KIRREL3: variants seen among roughly 807,000 people sequenced by gnomAD.
KIRREL3 encodes kirre like nephrin family adhesion molecule 3, also known as kin of IRRE-like protein 3.
Under a neutral mutation model 89.7 loss-of-function variants are expected in KIRREL3, and 36 were observed. The ratio of observed to expected loss-of-function variants is 0.40; its 90% CI spans 0.31 to 0.53. KIRREL3 has a LOEUF of 0.53. Among genes scored for constraint, KIRREL3 ranks in the 20% least tolerant of loss-of-function variants. The pLI is 0.49. For synonymous variants in KIRREL3, 445 were observed against 441.4 expected (o/e 1.01, Z -0.10); for missense variants, 864 against 1,056.6 (o/e 0.82, Z 2.53).
rs1327156233 is a variant in KIRREL3 at position 126,879,211 on chromosome 11, GC to G, written c.55+121243del. Reference sequence around the variant, plus strand: ...TGTACAGGGAACCTATAACCAGGATGCAGATGCTATATGCAGCTGTTATGCA... The same window carrying G: ...TGTACAGGGAACCTATAACCAGGATGAGATGCTATATGCAGCTGTTATGCA... On this transcript the variant is annotated intron_variant, in intron 1 of 16. Coordinates refer to ENST00000525144, the MANE Select transcript of KIRREL3 (RefSeq NM_032531.4). The surrounding 1 kb of genome is among the most constrained non-coding windows in gnomAD (Gnocchi z 5.4). 3.3e-5 allele frequency among the ~76,000 whole-genome samples: 5 copies of G among 152,212 alleles called. No individual in the cohort carries two copies. Among genetic ancestry groups the G allele is most frequent in the African/African-American group, 1.2e-4 (5 of 41,452 alleles).
intron 1 of KIRREL3, among the ~76,000 whole-genome samples, chr11:126,691,592 T>C (rs1219107953): frequency 6.6e-6 from 1 of 152,224 alleles, no homozygotes; most frequent in Non-Finnish European, 1.5e-5. Flanking sequence ...CTGAAAATTC[T>C]TCTTTTTTTA....
intron 1 of KIRREL3, among the ~76,000 whole-genome samples, chr11:126,582,583 C>T (rs1254580645): frequency 2.6e-5 from 4 of 152,072 alleles, no homozygotes; most frequent in African/African-American, 7.2e-5. Flanking sequence ...GAGAAGCAGG[C>T]GGATGGATGA....
At chr11:126,556,208 C>T (rs1939694044) in intron 2 of KIRREL3, among the ~76,000 whole-genome samples, 1 of 152,018 alleles carries the variant, frequency 6.6e-6, no homozygotes, top group African/African-American at 2.4e-5. Flanking sequence ...TGATGCAGTC[C>T]AGGGGAGAGA....
intron 1 of KIRREL3, among the ~76,000 whole-genome samples, chr11:126,828,148 G>C (rs544758452): frequency 6.6e-6 from 1 of 152,332 alleles, no homozygotes; most frequent in African/African-American, 2.4e-5. Flanking sequence ...CTTTTAAAAA[G>C]AGGTAATTCA....
intron 4 of KIRREL3, among the ~76,000 whole-genome samples, chr11:126,497,226 G>A (rs1957695895): frequency 6.6e-6 from 1 of 151,566 alleles, no homozygotes; most frequent in South Asian, 2.1e-4. Flanking sequence ...GAGAGTGAGT[G>A]TGTGTGAGAC....
Position 126,676,728 on chromosome 11 carries a change from T to C in KIRREL3, c.56-113816A>G, listed in dbSNP as rs1320751435. Among the ~76,000 whole-genome samples, 1 of 152,020 alleles carries C rather than the reference T, an allele frequency of 6.6e-6. No homozygotes were observed. The highest frequency in any genetic ancestry group is 6.6e-5 in the Admixed American group (1 of 15,260). ...CCCATATGCGACCCAGGGCTTCCCA[T>C]GGCAACATGTGGTGTTGTTTTTACT... On this transcript the variant is annotated intron_variant, in intron 1 of 16. Coordinates refer to ENST00000525144, the MANE Select transcript of KIRREL3 (RefSeq NM_032531.4). This position sits in a 1 kb window ranked among gnomAD's most constrained non-coding sequence, Gnocchi z 4.5.
At position 126,676,741 on chromosome 11, in the gene KIRREL3, T is replaced by G. The variant is rs57017809; in HGVS notation, c.56-113829A>C. ...CAGGGCTTCCCATGGCAACATGTGG[T>G]GTTGTTTTTACTACTGCAACTTTTT... On this transcript the variant is annotated intron_variant, in intron 1 of 16. Transcript: ENST00000525144. This position sits in a 1 kb window ranked among gnomAD's most constrained non-coding sequence, Gnocchi z 4.5. 0.017 allele frequency among the ~76,000 whole-genome samples: 2,661 copies of G among 152,108 alleles called. 99 individuals carry two copies. The highest frequency in any genetic ancestry group is 0.06 in the African/African-American group (2,502 of 41,486).
chr11:126,780,663 T>A lies in KIRREL3; in HGVS notation c.56-217751A>T, dbSNP rs1950301567. 6.6e-6 allele frequency among the ~76,000 whole-genome samples: 1 copy of A among 152,102 alleles called. No individual in the cohort carries two copies. On this transcript the variant is annotated intron_variant, in intron 1 of 16. Coordinates refer to ENST00000525144, the MANE Select transcript of KIRREL3 (RefSeq NM_032531.4). The surrounding 1 kb of genome is among the most constrained non-coding windows in gnomAD (Gnocchi z 5.3). ...ATGCCCACATCTGGCAACAGATCCA[T>A]CTCCTTGAGACACAAGCCAGGCCAC...
At chr11:126,646,864 G>A (rs1028776672) in intron 1 of KIRREL3, among the ~76,000 whole-genome samples, 1 of 151,998 alleles carries the variant, frequency 6.6e-6, no homozygotes, top group African/African-American at 2.4e-5. Context: ...ACCTACCCAA[G>A]CTCCTGTTCT....
intron 11 of KIRREL3, among the ~76,000 whole-genome samples, chr11:126,438,028 A>T (rs1480270741): frequency 6.6e-6 from 1 of 152,164 alleles, no homozygotes; most frequent in Non-Finnish European, 1.5e-5. Context: ...ACACACACAT[A>T]CTCTGGGGCA....
intron 1 of KIRREL3, among the ~76,000 whole-genome samples, chr11:126,730,204 C>T (rs531853266): frequency 1.3e-5 from 2 of 152,218 alleles, no homozygotes; most frequent in African/African-American, 4.8e-5. Flanking sequence ...TGGCTCTCAG[C>T]CCCGCAGAAC....
rs546203467 is a variant in KIRREL3 at position 126,889,015 on chromosome 11, C to A, written c.55+111440G>T. 3.9e-5 allele frequency among the ~76,000 whole-genome samples: 6 copies of A among 152,340 alleles called. No homozygotes were observed. In the South Asian group the frequency reaches 6.2e-4, roughly 16 times the overall value. On this transcript the variant is annotated intron_variant, in intron 1 of 16. Transcript: ENST00000525144. ...AGATAAATGGTGGAGCCAAGACTTA[C>A]CCAAGGGGTGTGCCTGTGTTGTAAC...
rs1944936492 is a variant in KIRREL3 at position 126,652,285 on chromosome 11, G to T, written c.56-89373C>A. ...AGCACCCACTGGCCAAAAAGCCCGG[G>T]TTGGGGTCTCTGTGGGTTGATGGAT... On this transcript the variant is annotated intron_variant, in intron 1 of 16. Transcript: ENST00000525144. The surrounding 1 kb of genome is among the most constrained non-coding windows in gnomAD (Gnocchi z 4.9). Among the ~76,000 whole-genome samples the T allele has an allele frequency of 6.6e-6, 1 of 152,120 alleles. No individual in the cohort carries two copies. The highest frequency in any genetic ancestry group is 6.5e-5 in the Admixed American group (1 of 15,268).
At chr11:126,585,937 G>A (rs1290148849) in intron 1 of KIRREL3, among the ~76,000 whole-genome samples, 1 of 152,228 alleles carries the variant, frequency 6.6e-6, no homozygotes, top group Non-Finnish European at 1.5e-5. Flanking sequence ...GTTTTTCTTG[G>A]CAAATAAATA....
intron 1 of KIRREL3, among the ~76,000 whole-genome samples, chr11:126,930,168 G>A (rs771255447): frequency 5.3e-5 from 8 of 151,216 alleles, no homozygotes; most frequent in Non-Finnish European, 8.8e-5. Flanking sequence ...TTAATAACTC[G>A]TAACAGTGAC....
chr11:126,973,762 G>C (rs937150302), intron 1 of KIRREL3, among the ~76,000 whole-genome samples: 1 of 152,130 alleles, frequency 6.6e-6, no homozygotes, highest in African/African-American at 2.4e-5. Flanking sequence ...TATACACAAA[G>C]TATGCACTAC....
Position 126,587,436 on chromosome 11 carries a change from A to G in KIRREL3, c.56-24524T>C, listed in dbSNP as rs1941919319. On this transcript the variant is annotated intron_variant, in intron 1 of 16. Coordinates refer to ENST00000525144, the MANE Select transcript of KIRREL3 (RefSeq NM_032531.4). The surrounding 1 kb of genome is among the most constrained non-coding windows in gnomAD (Gnocchi z 5.2). ...AGACCCCTGGCTGGGCAGCTTTCCA[A>G]TCTGGAACAGTGGGTCATGGAGCCA... 6.6e-6 allele frequency among the ~76,000 whole-genome samples: 1 copy of G among 152,164 alleles called. No individual in the cohort carries two copies.
intron 4 of KIRREL3, among the ~76,000 whole-genome samples, chr11:126,500,343 C>T (rs1261155560): frequency 6.6e-6 from 1 of 152,034 alleles, no homozygotes; most frequent in African/African-American, 2.4e-5. Context: ...AGCTGAGAGA[C>T]CTTGGAGCCA....
intron 5 of KIRREL3, among the ~76,000 whole-genome samples, chr11:126,464,101 A>T (rs866436878): frequency 7.2e-5 from 11 of 152,150 alleles, no homozygotes; most frequent in South Asian, 2.1e-4. Context: ...TTATTTGGGA[A>T]TAGGGTCTTT....
Sources: gnomAD v4.1 joint callset for allele counts (sites outside exome capture counted in the v4.1 genomes callset) on GRCh38, gnomAD v4.1.1 for gene constraint, Gnocchi (gnomAD v3.1) non-coding constraint, MANE v1.5 for transcripts, NCBI Gene and HGNC (gene_info 2026-07-23, HGNC 2026-07-21) for gene names.